The following ST6GALNAC3 variants were observed in gnomAD, a reference collection of about 807,000 sequenced individuals.
The protein encoded by ST6GALNAC3 is ST6 N-acetylgalactosaminide alpha-2,6-sialyltransferase 3, also known as alpha-N-acetylgalactosaminide alpha-2,6-sialyltransferase 3.
A neutral mutation model predicts 32.7 loss-of-function variants in ST6GALNAC3; 25 were observed. That is an observed-to-expected ratio of 0.76 (90% CI 0.56 to 1.07). ST6GALNAC3 has a LOEUF of 1.07. ST6GALNAC3 is among the 50% of genes least tolerant of loss of function. ST6GALNAC3 has a pLI of 0.00. For synonymous variants in ST6GALNAC3, 129 were observed against 133.1 expected, an observed-to-expected ratio of 0.97 and a Z score of 0.21; for missense variants, 355 against 382.4, an observed-to-expected ratio of 0.93 and a Z score of 0.60.
chr1:76,111,488 G>A (rs566262774), intron 1 of ST6GALNAC3, among the ~76,000 whole-genome samples: 35 of 150,736 alleles, frequency 2.3e-4, no homozygotes, highest in African/African-American at 8.3e-4. Context: ...TCTCGCAGAG[G>A]GGGATTTGGC....
chr1:76,161,864 A>G (rs1651831857), intron 1 of ST6GALNAC3, among the ~76,000 whole-genome samples: 1 of 152,158 alleles, frequency 6.6e-6, no homozygotes, highest in Admixed American at 6.5e-5. Context: ...TCTTTTCTAA[A>G]TGTTATTTAA....
chr1:76,237,944 T>G (rs2100657154), intron 1 of ST6GALNAC3, among the ~76,000 whole-genome samples: 1 of 152,354 alleles, frequency 6.6e-6, no homozygotes, highest in African/African-American at 2.4e-5. Context: ...TGATGTTGAT[T>G]AATGATAATG....
intron 1 of ST6GALNAC3, among the ~76,000 whole-genome samples, chr1:76,118,956 G>A (rs941478197): frequency 1.3e-5 from 2 of 152,132 alleles, no homozygotes; most frequent in Non-Finnish European, 2.9e-5. Context: ...CTGAGTAGCT[G>A]GGATTACAGG....
intron 2 of ST6GALNAC3, among the ~76,000 whole-genome samples, chr1:76,394,881 C>T (rs1451471789): frequency 6.6e-6 from 1 of 152,094 alleles, no homozygotes; most frequent in Admixed American, 6.5e-5. Flanking sequence ...GGACAAGATT[C>T]CAAGGCTCAG....
chr1:76,478,781 G>A (rs1336472840), intron 3 of ST6GALNAC3, among the ~76,000 whole-genome samples: 2 of 19,832 alleles, frequency 1.0e-4, no homozygotes, highest in African/African-American at 2.2e-4. Context: ...TTTTTTTTTT[G>A]AGATGAAGTC....
chr1:76,388,557 A>T (rs762533622), intron 2 of ST6GALNAC3, among the ~76,000 whole-genome samples: 1 of 152,178 alleles, frequency 6.6e-6, no homozygotes, highest in Non-Finnish European at 1.5e-5. Context: ...TATAGTTGTT[A>T]CTATGGAAAG....
At chr1:76,117,171 A>C (rs887565222) in intron 1 of ST6GALNAC3, among the ~76,000 whole-genome samples, 7 of 152,204 alleles carry the variant, frequency 4.6e-5, no homozygotes, top group African/African-American at 1.7e-4. Context: ...GTATTTGTAG[A>C]TATTTATAAT....
chr1:76,258,323 G>T (rs544730341), intron 1 of ST6GALNAC3, among the ~76,000 whole-genome samples: 6 of 152,098 alleles, frequency 3.9e-5, no homozygotes, highest in Non-Finnish European at 7.4e-5. Context: ...AGTTTCTAAC[G>T]TACAGTACAC....
At position 76,485,831 on chromosome 1, in the gene ST6GALNAC3, G is replaced by A. The variant is rs541663600; in HGVS notation, c.623+73414G>A. Among the ~76,000 whole-genome samples, 12 of 152,304 alleles carry A rather than the reference G, an allele frequency of 7.9e-5. No individual in the cohort carries two copies. The South Asian group carries it at 2.5e-3, about 32-fold the overall frequency. ...TTGTGATGTTAGGGTGTCCATTTTAGATCTTTCCTGCTTTCTCTTGTGGAC... is the reference window on the plus strand; with the variant it reads ...TTGTGATGTTAGGGTGTCCATTTTAAATCTTTCCTGCTTTCTCTTGTGGAC... On this transcript the variant is annotated intron_variant, in intron 3 of 4. Transcript: ENST00000328299.
At chr1:76,427,506 C>T (rs1267482230) in intron 3 of ST6GALNAC3, among the ~76,000 whole-genome samples, 1 of 152,028 alleles carries the variant, frequency 6.6e-6, no homozygotes, top group East Asian at 1.9e-4. Flanking sequence ...TCTTGATTCT[C>T]CTCCATGGAA....
At chr1:76,597,493 T>A (rs1224365339) in intron 3 of ST6GALNAC3, among the ~76,000 whole-genome samples, 4 of 152,098 alleles carry the variant, frequency 2.6e-5, no homozygotes, top group Non-Finnish European at 5.9e-5. Flanking sequence ...GTGAAAAATG[T>A]ACCAAACCCT....
rs114879720 is a variant in ST6GALNAC3, at chr1:76,622,228, T to C, written c.624-5224T>C. On this transcript the variant is annotated intron_variant, in intron 3 of 4. Transcript: ENST00000328299. The stretch of plus-strand genomic sequence containing the variant: ...ACCATAGATACTGTGGCTTCTGAAC[T>C]CGTTGTCCTTGTCCCACCTGATACT... Among the ~76,000 whole-genome samples the C allele has an allele frequency of 2.8e-3, 420 of 152,118 alleles. 4 individuals are homozygous for C. Among genetic ancestry groups the C allele is most frequent in the African/African-American group, 9.8e-3 (405 of 41,538 alleles).
Position 76,597,390 on chromosome 1 carries a change from C to T in ST6GALNAC3, c.624-30062C>T, listed in dbSNP as rs1647154291. On this transcript the variant is annotated intron_variant, in intron 3 of 4. Coordinates refer to ENST00000328299, the MANE Select transcript of ST6GALNAC3 (RefSeq NM_152996.4). Reference sequence around the variant, plus strand: ...ACAGCCACCTATAACTTAAGATTCTCCCCCACACAGCCCAGACATACACAC... The same window carrying T: ...ACAGCCACCTATAACTTAAGATTCTTCCCCACACAGCCCAGACATACACAC... Among the ~76,000 whole-genome samples, 3 of 152,010 alleles carry T rather than the reference C, an allele frequency of 2.0e-5. No homozygotes were observed. The South Asian group carries it at 6.2e-4, about 32-fold the overall frequency.
intron 4 of ST6GALNAC3, among the ~76,000 whole-genome samples, 158 bp downstream of exon 4, chr1:76,627,717 G>C (rs1439507119): frequency 6.6e-6 from 1 of 151,960 alleles, no homozygotes; most frequent in South Asian, 2.1e-4. Flanking sequence ...AGTGCGTCAA[G>C]TTGTGACTTC....
rs537013425 is a variant in ST6GALNAC3 at position 76,184,262 on chromosome 1, G to C, written c.18+109378G>C. Among the ~76,000 whole-genome samples the C allele has an allele frequency of 1.5e-3, 234 of 152,164 alleles. 1 individual carries two copies. The highest frequency in any genetic ancestry group is 0.01 in the Middle Eastern group (3 of 294). On this transcript the variant is annotated intron_variant, in intron 1 of 4. Transcript: ENST00000328299. ...CTGAGTTAAGAAACATATGGGGCTG[G>C]GTGCAGTGGCTCACGCCTGTAATCC...
At chr1:76,185,310 G>A (rs1653481033) in intron 1 of ST6GALNAC3, among the ~76,000 whole-genome samples, 1 of 152,166 alleles carries the variant, frequency 6.6e-6, no homozygotes, top group Non-Finnish European at 1.5e-5. Flanking sequence ...CCAAGACTTG[G>A]TCCCTGCTTG....
chr1:76,603,944 G>A (rs1185298332), intron 3 of ST6GALNAC3, among the ~76,000 whole-genome samples: 2 of 152,144 alleles, frequency 1.3e-5, no homozygotes, highest in African/African-American at 4.8e-5. Context: ...AAAATTAAAA[G>A]GGGAATGAAA....
chr1:76,358,839 T>C (rs1649701671), intron 2 of ST6GALNAC3, among the ~76,000 whole-genome samples: 1 of 152,170 alleles, frequency 6.6e-6, no homozygotes, highest in Non-Finnish European at 1.5e-5. Flanking sequence ...CCTTCAAACA[T>C]AGAGGACAAA....
rs1272590077 is a variant in ST6GALNAC3 at position 76,634,538 on chromosome 1, T to A, written c.*5732T>A. The A allele has an allele frequency of 6.6e-6, 1 of 152,194 alleles. No homozygotes were observed. The highest frequency in any genetic ancestry group is 1.5e-5 in the Non-Finnish European group (1 of 68,036). The allele number at this position is 152,194 out of a possible 1,614,324, so 9.4% of individuals were successfully genotyped here. A position where few individuals can be genotyped will look rare whatever the true frequency, so the allele number is the denominator to read the frequency against. Reference sequence around the variant, plus strand: ...CAGTTGTACGTTTGTTGAGAGTTTTTATGGCATTATAGTGCTTTATTTATA... The same window carrying A: ...CAGTTGTACGTTTGTTGAGAGTTTTAATGGCATTATAGTGCTTTATTTATA... On this transcript the variant is annotated 3_prime_UTR_variant, in exon 5 of 5. Coordinates refer to ENST00000328299, the MANE Select transcript of ST6GALNAC3 (RefSeq NM_152996.4).
Sources: gnomAD v4.1 joint callset for allele counts (sites outside exome capture counted in the v4.1 genomes callset) on GRCh38, gnomAD v4.1.1 for gene constraint, MANE v1.5 for transcripts, NCBI Gene and HGNC (gene_info 2026-07-23, HGNC 2026-07-21) for gene names.